Variants in MYO1E observed in about 807,000 individuals in gnomAD.
The protein encoded by MYO1E is unconventional myosin-Ie.
MYO1E carries 68 observed loss-of-function variants against 151.1 expected under a neutral mutation model. The observed-to-expected ratio is 0.45, with a 90% CI of 0.37 to 0.55. The LOEUF is 0.55. Ranked by LOEUF, MYO1E falls within the 20% of genes least tolerant of loss-of-function variation. The pLI, the probability that MYO1E is intolerant of heterozygous loss-of-function variation, is 0.00. For missense variants in MYO1E, 1,363 were observed against 1,389.3 expected (o/e 0.98, Z 0.30); for synonymous variants, 601 against 501.7 (o/e 1.20, Z -2.64).
intron 6 of MYO1E, among the ~76,000 whole-genome samples, chr15:59,229,194 G>A (rs1326452138): frequency 1.3e-5 from 2 of 152,220 alleles, no homozygotes; most frequent in East Asian, 1.9e-4. Flanking sequence ...GGAAGGGCAG[G>A]TGTTGGACAG....
Position 59,158,362 on chromosome 15 carries a change from T to G in MYO1E, c.2803A>C (p.Thr935Pro), listed in dbSNP as rs2079520114. The change falls in exon 25 of 28, where the codon ACT becomes CCT. Residue 935 changes from threonine to proline, a missense_variant. Thr to Pro is a conservative substitution (Grantham distance 38). Coordinates refer to ENST00000288235, the MANE Select transcript of MYO1E (RefSeq NM_004998.4). The stretch of plus-strand genomic sequence containing the variant: ...CTGGAATAACCTGTATTTTGGGTAG[T>G]GTTCCTTCTGGTAGGACCTGAAATA... The part of the protein sequence containing the change: ...PKNSRPTRRN[T>P]TQNTGYSSGT... 6.4e-7 allele frequency: 1 copy of G among 1,565,654 alleles called. No homozygotes were observed. The highest frequency in any genetic ancestry group is 1.4e-5 in the African/African-American group (1 of 73,798).
intron 3 of MYO1E, 58 bp from the exon 4 acceptor site, chr15:59,256,436 A>C: frequency 9.3e-7 from 1 of 1,074,948 alleles, no homozygotes; most frequent in Non-Finnish European, 1.3e-6. Flanking sequence ...AAATAAAAAC[A>C]AAATCATGGT....
At chr15:59,317,110 C>T (rs1317790209) in intron 1 of MYO1E, among the ~76,000 whole-genome samples, 4 of 152,088 alleles carry the variant, frequency 2.6e-5, no homozygotes, top group East Asian at 1.9e-4. Flanking sequence ...AATCTTTATC[C>T]GTCTATCTAT....
chr15:59,321,868 A>AAAAAG (rs1299022944), intron 1 of MYO1E, among the ~76,000 whole-genome samples: 1 of 151,992 alleles, frequency 6.6e-6, no homozygotes, highest in Admixed American at 6.6e-5. Context: ...CCTGGCTCAA[A>AAAAAG]AAAAGAAAAG....
chr15:59,279,971 T>G (rs1056624415), intron 1 of MYO1E, among the ~76,000 whole-genome samples: 22 of 152,216 alleles, frequency 1.4e-4, no homozygotes, highest in African/African-American at 5.3e-4. Flanking sequence ...GCTGTTTTCA[T>G]TGTGAAAAAA....
In MYO1E at chr15:59,195,516, T is replaced by G. The variant is rs373643814; in HGVS notation, c.1750A>C (p.Ile584Leu). 6.2e-7 allele frequency: 1 copy of G among 1,614,182 alleles called. No homozygotes were observed. The highest frequency in any genetic ancestry group is 8.5e-7 in the Non-Finnish European group (1 of 1,180,020). Residue 584 changes from isoleucine to leucine, a missense_variant, in exon 17 of 28, where the codon ATT becomes CTT. Coordinates refer to ENST00000288235, the MANE Select transcript of MYO1E (RefSeq NM_004998.4). ...GTTTCGTTTGGCTTGATGCAGCGAA[T>G]GTAGTGGGGCGTACATTTCATCAGG... ...STLMKCTPHYIRCIKPNETKK... is the reference protein window; with the variant it reads ...STLMKCTPHYLRCIKPNETKK...
At chr15:59,189,649 T>A (rs1405796300) in intron 17 of MYO1E, among the ~76,000 whole-genome samples, 9 of 152,168 alleles carry the variant, frequency 5.9e-5, no homozygotes, top group Non-Finnish European at 1.3e-4. Flanking sequence ...ATCTCGGCTC[T>A]CTGCAAACTC....
chr15:59,317,677 G>GT lies in MYO1E; in HGVS notation c.4-45229dup, dbSNP rs2080597987. Among the ~76,000 whole-genome samples, 2 of 152,200 alleles carry GT rather than the reference G, an allele frequency of 1.3e-5. 1 individual carries two copies. Among genetic ancestry groups the GT allele is most frequent in the Admixed American group, 1.3e-4 (2 of 15,280 alleles). On this transcript the variant is annotated intron_variant, in intron 1 of 27. Transcript: ENST00000288235. ...TGTTCTTCGGAACAGTAAACCCTGT[G>GT]TAAGAAAGGGAGGCAGAACTGGGGG... is the stretch of plus-strand genomic sequence containing the variant.
intron 4 of MYO1E, among the ~76,000 whole-genome samples, chr15:59,247,182 C>T (rs1356341996): frequency 2.6e-5 from 4 of 152,000 alleles, no homozygotes; most frequent in African/African-American, 7.3e-5. Flanking sequence ...GGTGACAGAG[C>T]GAGACTCTTT....
intron 2 of MYO1E, among the ~76,000 whole-genome samples, chr15:59,268,716 T>C (rs1280812729): frequency 9.6e-5 from 13 of 135,592 alleles, no homozygotes; most frequent in Non-Finnish European, 6.2e-5. Context: ...TGGGTGACTT[T>C]GGTATTTTTT....
chr15:59,182,420 T>C (rs1428803074), intron 18 of MYO1E, among the ~76,000 whole-genome samples: 2 of 152,044 alleles, frequency 1.3e-5, no homozygotes, highest in Non-Finnish European at 2.9e-5. Context: ...ACCATTTTGG[T>C]CAGGCTGGTC....
chr15:59,214,779 T>C (rs2079903122), intron 10 of MYO1E, 59 bp from the exon 11 acceptor site: 1 of 1,344,030 alleles, frequency 7.4e-7, no homozygotes, highest in Non-Finnish European at 1.1e-6. Context: ...AAAACGGGCA[T>C]GCACTGGGGA....
At position 59,172,033 on chromosome 15, in the gene MYO1E, G is replaced by A; in HGVS notation, c.2344C>T (p.Arg782Ter). The A allele has an allele frequency of 5.0e-6, 8 of 1,613,972 alleles. No individual in the cohort carries two copies. Among genetic ancestry groups the A allele is most frequent in the Non-Finnish European group, 6.8e-6 (8 of 1,180,018 alleles). The change falls in exon 22 of 28, where the codon CGA becomes TGA. Residue 782 changes from arginine (R) to a stop codon, truncating the protein, a stop_gained. Coordinates refer to ENST00000288235, the MANE Select transcript of MYO1E (RefSeq NM_004998.4). LOFTEE classifies it high-confidence loss of function. ...CACTTTGGGGTAAGGAGCAGGTCTC[G>A]CTTTACACCCTGTAAGGAGAGGAGC... is the stretch of plus-strand genomic sequence containing the variant. ...KYDRRFKGVK[R>*]DLLLTPKCLY...
rs1049033221 is a variant in MYO1E, at chr15:59,252,304, G to C, written c.332+3980C>G. Reference sequence around the variant, plus strand: ...CCATTAAAATGAACCAAGGCCTAGCGGGGTGCGGTGCCTCGTGCCTGTAAT... The same window carrying C: ...CCATTAAAATGAACCAAGGCCTAGCCGGGTGCGGTGCCTCGTGCCTGTAAT... On this transcript the variant is annotated intron_variant, in intron 4 of 27. Transcript: ENST00000288235. Among the ~76,000 whole-genome samples, 3 of 152,124 alleles carry C rather than the reference G, an allele frequency of 2.0e-5. No individual in the cohort carries two copies. In the South Asian group the frequency reaches 6.2e-4, roughly 32 times the overall value.
chr15:59,288,535 A>T (rs2080400751), intron 1 of MYO1E, among the ~76,000 whole-genome samples: 2 of 152,136 alleles, frequency 1.3e-5, no homozygotes. Flanking sequence ...CATATTACCC[A>T]AGCTCACAGT....
intron 16 of MYO1E, among the ~76,000 whole-genome samples, chr15:59,200,140 T>C (rs1336967842): frequency 2.0e-5 from 3 of 152,130 alleles, no homozygotes; most frequent in African/African-American, 4.8e-5. Context: ...GGGACAAGTC[T>C]TTAAGGAGGA....
chr15:59,233,557 G>A (rs1045641164), intron 5 of MYO1E, among the ~76,000 whole-genome samples: 5 of 151,036 alleles, frequency 3.3e-5, no homozygotes, highest in Non-Finnish European at 5.9e-5. Flanking sequence ...CCAGCTACTC[G>A]GGAGGCTGAG....
chr15:59,213,070 T>C (rs1182407774), intron 12 of MYO1E, among the ~76,000 whole-genome samples: 1 of 152,030 alleles, frequency 6.6e-6, no homozygotes, highest in Non-Finnish European at 1.5e-5. Context: ...TGCTTTGTTA[T>C]GGTGGCCCCA....
intron 4 of MYO1E, among the ~76,000 whole-genome samples, chr15:59,244,784 T>C (rs2140362950): frequency 6.6e-6 from 1 of 152,310 alleles, no homozygotes; most frequent in East Asian, 1.9e-4. Context: ...CCTAGTTTGC[T>C]AGGCTGACGT....
Sources: gnomAD v4.1 joint callset for allele counts (sites outside exome capture counted in the v4.1 genomes callset) on GRCh38, gnomAD v4.1.1 for gene constraint, MANE v1.5 for transcripts, NCBI Gene and HGNC (gene_info 2026-07-23, HGNC 2026-07-21) for gene names.